PRPF18: variants seen among roughly 807,000 people sequenced by gnomAD.
PRPF18 encodes pre-mRNA-splicing factor 18.
Under a neutral mutation model 46.5 loss-of-function variants are expected in PRPF18, and 38 were observed. The ratio of observed to expected loss-of-function variants is 0.82; its 90% confidence interval spans 0.63 to 1.07. The LOEUF (loss-of-function observed/expected upper bound fraction) is 1.07, where lower values mean the gene tolerates loss of function less well. Ranked by LOEUF, PRPF18 falls within the 50% of genes least tolerant of loss-of-function variation. The pLI is 0.00. For synonymous variants in PRPF18, 152 were observed against 146.7 expected, an observed-to-expected ratio of 1.04 and a Z score of -0.26; for missense variants, 263 against 410.0, an observed-to-expected ratio of 0.64 and a Z score of 3.10.
At chr10:13,638,807 C>G in the PRPF18 span, 84,208 of 151,966 alleles carry the variant, frequency 0.55, 23,760 homozygotes, top group East Asian at 0.79. Flanking sequence ...TCACAGATAC[C>G]TTTGGAATGA....
At chr10:13,645,765 C>G in the PRPF18 span, 2 of 152,542 alleles carry the variant, frequency 1.3e-5, no homozygotes, top group Non-Finnish European at 2.9e-5. Context: ...TAGGAGAAGT[C>G]GGATCTGAGC....
chr10:13,654,703 C>T, the PRPF18 span: 6 of 580,624 alleles, frequency 1.0e-5, no homozygotes, highest in African/African-American at 1.9e-5. Flanking sequence ...TCTCTACATG[C>T]CCCCCCAACC....
At chr10:13,650,185 G>C in the PRPF18 span, among the ~76,000 whole-genome samples, 23 of 152,234 alleles carry the variant, frequency 1.5e-4, no homozygotes, top group Non-Finnish European at 2.9e-4. Context: ...AGGTGGGGCT[G>C]CTGGGAGGGA....
intron 9 of PRPF18, among the ~76,000 whole-genome samples, chr10:13,620,743 T>C (rs1440399609): frequency 2.0e-5 from 3 of 152,262 alleles, no homozygotes; most frequent in African/African-American, 7.2e-5. Context: ...TTATGAAATA[T>C]GATAGACAAT....
chr10:13,588,889 T>C (rs1236843317), intron 1 of PRPF18, among the ~76,000 whole-genome samples: 2 of 152,242 alleles, frequency 1.3e-5, no homozygotes, highest in East Asian at 1.9e-4. Flanking sequence ...TGAAGGACTT[T>C]TGTTTATGTG....
chr10:13,632,168 T>C (rs921051675), downstream of PRPF18, among the ~76,000 whole-genome samples: 7 of 152,116 alleles, frequency 4.6e-5, no homozygotes, highest in East Asian at 1.2e-3. Flanking sequence ...TGTGAAACCC[T>C]GTCTCTACTA....
chr10:13,633,776 C>T (rs2080610986), downstream of PRPF18, among the ~76,000 whole-genome samples: 1 of 152,202 alleles, frequency 6.6e-6, no homozygotes, highest in Non-Finnish European at 1.5e-5. Flanking sequence ...ATAAGTTTAT[C>T]CCATAGCAAT....
At chr10:13,597,637 T>C (rs2080054496) in intron 2 of PRPF18, 102 bp downstream of exon 2, 2 of 1,604,522 alleles carry the variant, frequency 1.2e-6, no homozygotes, top group Non-Finnish European at 1.7e-6. Context: ...TTTATCAATA[T>C]ACGTTAGCCT....
At chr10:13,625,518 A>G (rs2080489788) in intron 9 of PRPF18, among the ~76,000 whole-genome samples, 1 of 152,252 alleles carries the variant, frequency 6.6e-6, no homozygotes. Flanking sequence ...GTCAATCTAT[A>G]ACGTTTATAG....
At chr10:13,622,073 C>G (rs1478082584) in intron 9 of PRPF18, among the ~76,000 whole-genome samples, 1 of 152,158 alleles carries the variant, frequency 6.6e-6, no homozygotes, top group African/African-American at 2.4e-5. Flanking sequence ...TTGGTAAATG[C>G]TCCCATGCCT....
intron 8 of PRPF18, 137 bp downstream of exon 8, chr10:13,614,223 G>A (rs201969545): frequency 5.9e-5 from 40 of 680,986 alleles, no homozygotes; most frequent in African/African-American, 3.9e-4. Context: ...AGTAAAAAGC[G>A]TTTTATTTTC....
chr10:13,609,974 A>G (rs2080247945), intron 4 of PRPF18, 65 bp from the exon 5 acceptor site: 8 of 1,459,358 alleles, frequency 5.5e-6, no homozygotes, highest in Non-Finnish European at 7.5e-6. Flanking sequence ...ATGAAAAATC[A>G]AAGGTGAAAA....
At chr10:13,648,066 C>T in the PRPF18 span, 35 of 152,324 alleles carry the variant, frequency 2.3e-4, no homozygotes, top group African/African-American at 8.4e-4. Context: ...CTTTCTATTT[C>T]ATTTGCTAAC....
chr10:13,634,913 G>T (rs951912364), downstream of PRPF18, among the ~76,000 whole-genome samples: 18 of 151,956 alleles, frequency 1.2e-4, no homozygotes, highest in Non-Finnish European at 2.4e-4. Context: ...TAATTTCAGG[G>T]GTATATGTGC....
chr10:13,601,086 G>A (rs1242208647), intron 3 of PRPF18, among the ~76,000 whole-genome samples: 3 of 152,000 alleles, frequency 2.0e-5, no homozygotes, highest in African/African-American at 7.3e-5. Context: ...TGGCCGCACC[G>A]TAATATTTAA....
At chr10:13,638,934 T>C in the PRPF18 span, 1 of 152,240 alleles carries the variant, frequency 6.6e-6, no homozygotes, top group African/African-American at 2.4e-5. Context: ...GTAAGTTGGG[T>C]TTCCATTATA....
chr10:13,613,159 C>T (rs2080296024), intron 6 of PRPF18, among the ~76,000 whole-genome samples: 1 of 152,070 alleles, frequency 6.6e-6, no homozygotes, highest in African/African-American at 2.4e-5. Flanking sequence ...TAGAGGACAA[C>T]ATCCTCCTCA....
intron 1 of PRPF18, chr10:13,591,821 G>C: frequency 6.9e-7 from 1 of 1,441,900 alleles, no homozygotes; most frequent in Non-Finnish European, 9.3e-7. Context: ...CCACTAGCCA[G>C]GTGCTTCAGG....
At chr10:13,591,633 C>T in intron 1 of PRPF18, 1 of 625,116 alleles carries the variant, frequency 1.6e-6, no homozygotes, top group East Asian at 2.8e-5. Context: ...CTGAAGATCT[C>T]AGCTTCCTGG....
Sources: allele counts gnomAD v4.1 joint callset (sites outside exome capture counted in the v4.1 genomes callset), GRCh38; gene constraint gnomAD v4.1.1; transcripts MANE v1.5; gene names NCBI Gene and HGNC (gene_info 2026-07-23, HGNC 2026-07-21).